KIFAP3: variants seen among roughly 807,000 people sequenced by gnomAD.
KIFAP3 encodes kinesin associated protein 3, also known as kinesin-associated protein 3.
KIFAP3 carries 68 observed loss-of-function variants against 106.5 expected under a neutral mutation model. The observed-to-expected ratio is 0.64, with a 90% CI of 0.53 to 0.78. The LOEUF (loss-of-function observed/expected upper bound fraction) is 0.78, where lower values mean the gene tolerates loss of function less well. Ranked by LOEUF, KIFAP3 falls within the 30% of genes least tolerant of loss-of-function variation. KIFAP3 has a pLI of 0.00. For synonymous variants in KIFAP3, 320 were observed against 311.5 expected, an observed-to-expected ratio of 1.03 and a Z score of -0.29; for missense variants, 780 against 941.8, an observed-to-expected ratio of 0.83 and a Z score of 2.25.
intron 18 of KIFAP3, among the ~76,000 whole-genome samples, chr1:169,955,201 A>G (rs1171327893): frequency 2.0e-5 from 3 of 152,164 alleles, no homozygotes; most frequent in Non-Finnish European, 2.9e-5. Context: ...CATTTGGCAC[A>G]CAGTATAGGC....
At chr1:170,023,075 C>T (rs1003387191) in intron 9 of KIFAP3, among the ~76,000 whole-genome samples, 6 of 152,056 alleles carry the variant, frequency 3.9e-5, no homozygotes, top group African/African-American at 1.4e-4. Context: ...TGTTTATATA[C>T]TACCATCTTA....
chr1:170,081,947 A>G (rs1672026471), intron 1 of KIFAP3, among the ~76,000 whole-genome samples: 1 of 152,156 alleles, frequency 6.6e-6, no homozygotes, highest in African/African-American at 2.4e-5. Context: ...GACAATACCA[A>G]TTGGTGGTAA....
chr1:170,015,783 A>G (rs1668476469), intron 10 of KIFAP3, among the ~76,000 whole-genome samples: 1 of 152,234 alleles, frequency 6.6e-6, no homozygotes, highest in African/African-American at 2.4e-5. Context: ...AAAGAGATTT[A>G]ACGCCCTACT....
intron 17 of KIFAP3, among the ~76,000 whole-genome samples, chr1:169,963,056 A>T (rs1479111731): frequency 2.6e-5 from 4 of 152,164 alleles, no homozygotes; most frequent in African/African-American, 9.7e-5. Context: ...CACCCAGGTA[A>T]TAAGCATAGT....
rs1168252784 is a variant in KIFAP3 at position 169,981,996 on chromosome 1, G to A, written c.1774C>T (p.Pro592Ser). Residue 592 changes from proline (P) to serine (S), a missense_variant, in exon 15 of 20, where the codon CCT becomes TCT. Physicochemically the swap from Pro to Ser is moderately conservative, Grantham distance 74. Coordinates refer to ENST00000361580, the MANE Select transcript of KIFAP3 (RefSeq NM_014970.4). ...CCATTTAGCAATTCAATGAGTGCAG[G>A]GATTATGCCAGATTTGGCTAGCAAT... ...AALLAKSGII[P>S]ALIELLNAQQ... The A allele has an allele frequency of 6.2e-7, 1 of 1,613,196 alleles. No individual in the cohort carries two copies. Among genetic ancestry groups the A allele is most frequent in the Admixed American group, 1.7e-5 (1 of 59,984 alleles).
chr1:169,943,890 C>T (rs1052587095), intron 19 of KIFAP3, among the ~76,000 whole-genome samples: 4 of 152,128 alleles, frequency 2.6e-5, no homozygotes, highest in Non-Finnish European at 5.9e-5. Flanking sequence ...CAAAGCTGTA[C>T]CATAATTGAC....
At chr1:170,069,935 C>A (rs1337661765) in intron 1 of KIFAP3, among the ~76,000 whole-genome samples, 2 of 151,820 alleles carry the variant, frequency 1.3e-5, no homozygotes, top group Non-Finnish European at 2.9e-5. Context: ...AAAAATGGCA[C>A]AAAAAACTGG....
At chr1:169,966,435 C>T (rs1571574084) in intron 17 of KIFAP3, among the ~76,000 whole-genome samples, 1 of 128,944 alleles carries the variant, frequency 7.8e-6, no homozygotes, top group African/African-American at 3.0e-5. Flanking sequence ...GTGTATGGTT[C>T]TTTGTTATAG....
At chr1:169,925,293 A>C (rs988386534) in intron 19 of KIFAP3, among the ~76,000 whole-genome samples, 2 of 152,110 alleles carry the variant, frequency 1.3e-5, no homozygotes, top group African/African-American at 4.8e-5. Context: ...AAAATACATA[A>C]TTCTGGTCCA....
At position 169,998,393 on chromosome 1, in the gene KIFAP3, TATATATACACACACAC is replaced by T. The variant is rs1281839267; in HGVS notation, c.1184-6154_1184-6139del. Among the ~76,000 whole-genome samples, 236 of 108,852 alleles carry T rather than the reference TATATATACACACACAC, an allele frequency of 2.2e-3. 1 individual carries two copies. The highest frequency in any genetic ancestry group is 9.5e-3 in the Middle Eastern group (2 of 210). 71.4% of individuals were successfully genotyped at this position (108,852 alleles called of 152,430 possible). On this transcript the variant is annotated intron_variant, in intron 10 of 19. Coordinates refer to ENST00000361580, the MANE Select transcript of KIFAP3 (RefSeq NM_014970.4). ...TAGTGCTTCACCAGATATATATATA[TATATATACACACACAC>T]ACACACACACACACACACACACACA...
In KIFAP3 at chr1:170,023,046, T is replaced by C. The variant is rs144040956; in HGVS notation, c.1020+1372A>G. 1.4e-4 allele frequency among the ~76,000 whole-genome samples: 22 copies of C among 152,158 alleles called. No individual in the cohort carries two copies. The East Asian group carries it at 4.2e-3, about 29-fold the overall frequency. Reference sequence around the variant, plus strand: ...GCAAGGGGAAGCAATTATTTAGCCATACTCTAACTACTCAGGACTGTTTAT... The same window carrying C: ...GCAAGGGGAAGCAATTATTTAGCCACACTCTAACTACTCAGGACTGTTTAT... On this transcript the variant is annotated intron_variant, in intron 9 of 19. Coordinates refer to ENST00000361580, the MANE Select transcript of KIFAP3 (RefSeq NM_014970.4).
intron 11 of KIFAP3, among the ~76,000 whole-genome samples, chr1:169,989,489 C>T (rs896171758): frequency 2.6e-5 from 4 of 151,994 alleles, no homozygotes; most frequent in African/African-American, 9.7e-5. Context: ...CCCTTTGAAA[C>T]TGCAAAGCAG....
At chr1:170,014,869 A>G (rs1165382188) in intron 10 of KIFAP3, among the ~76,000 whole-genome samples, 1 of 152,166 alleles carries the variant, frequency 6.6e-6, no homozygotes, top group Non-Finnish European at 1.5e-5. Context: ...GGTACTTTGC[A>G]GGCAATTCTT....
At chr1:169,929,258 T>A (rs1197911749) in intron 19 of KIFAP3, among the ~76,000 whole-genome samples, 1 of 152,166 alleles carries the variant, frequency 6.6e-6, no homozygotes, top group Non-Finnish European at 1.5e-5. Flanking sequence ...TATGAAATAA[T>A]TTACAGCTAA....
intron 3 of KIFAP3, among the ~76,000 whole-genome samples, chr1:170,040,613 G>C (rs1669921920): frequency 6.6e-6 from 1 of 152,114 alleles, no homozygotes; most frequent in Non-Finnish European, 1.5e-5. Context: ...ACAATAAGTA[G>C]ACGCAGATCT....
At chr1:169,980,501 T>G (rs190183840) in intron 15 of KIFAP3, among the ~76,000 whole-genome samples, 13 of 152,302 alleles carry the variant, frequency 8.5e-5, no homozygotes, top group African/African-American at 2.9e-4. Context: ...GGGAAAACTC[T>G]AGGCCTGCAA....
chr1:169,929,049 G>A (rs1663312396), intron 19 of KIFAP3, among the ~76,000 whole-genome samples: 1 of 152,230 alleles, frequency 6.6e-6, no homozygotes, highest in South Asian at 2.1e-4. Context: ...GTAAAATGAT[G>A]TACTACTACA....
intron 11 of KIFAP3, among the ~76,000 whole-genome samples, chr1:169,989,010 T>C (rs1450314970): frequency 6.6e-6 from 1 of 151,910 alleles, no homozygotes; most frequent in Non-Finnish European, 1.5e-5. Context: ...ATTTGGGAAA[T>C]ATTGTTCACA....
At chr1:169,970,347 T>A (rs1459503417) in intron 17 of KIFAP3, among the ~76,000 whole-genome samples, 1 of 152,060 alleles carries the variant, frequency 6.6e-6, no homozygotes, top group Non-Finnish European at 1.5e-5. Flanking sequence ...TCCAGAGTAC[T>A]GCCACCGCAC....
Sources: gnomAD v4.1 joint callset for allele counts (sites outside exome capture counted in the v4.1 genomes callset) on GRCh38, gnomAD v4.1.1 for gene constraint, MANE v1.5 for transcripts, NCBI Gene and HGNC (gene_info 2026-07-23, HGNC 2026-07-21) for gene names.